UBE2V2: variants seen among roughly 807,000 people sequenced by gnomAD.
UBE2V2 encodes the protein ubiquitin-conjugating enzyme E2 variant 2.
In UBE2V2, 9 loss-of-function variants were observed where a neutral mutation model predicts 17.2. That is an observed-to-expected ratio of 0.52 (90% CI 0.32 to 0.91). The LOEUF (loss-of-function observed/expected upper bound fraction) is 0.91, where lower values mean the gene tolerates loss of function less well. Ranked by LOEUF, UBE2V2 falls within the 40% of genes least tolerant of loss-of-function variation. UBE2V2 has a pLI of 0.04. For synonymous variants in UBE2V2, 61 were observed against 57.5 expected (o/e 1.06, Z -0.28); for missense variants, 133 against 182.6 (o/e 0.73, Z 1.56).
At chr8:48,015,543 A>G (rs2091262639) in intron 1 of UBE2V2, among the ~76,000 whole-genome samples, 1 of 152,168 alleles carries the variant, frequency 6.6e-6, no homozygotes, top group Non-Finnish European at 1.5e-5. Flanking sequence ...AGAATACAGT[A>G]TGTTGTTAAC....
In UBE2V2 at chr8:48,043,418, G is replaced by A. The variant is rs542674289; in HGVS notation, c.165+237G>A. ...ATCAAAGTTTTGCAGTTTAGTAAGG[G>A]AGAAAAAATCAGTACAAATGACAGA... On this transcript the variant is annotated intron_variant, in intron 2 of 3. Coordinates refer to ENST00000523111, the MANE Select transcript of UBE2V2 (RefSeq NM_003350.3). 17 of 308,698 alleles carry A rather than the reference G, an allele frequency of 5.5e-5. No individual in the cohort carries two copies. The East Asian group carries it at 9.0e-4, about 16-fold the overall frequency. The allele number at this position is 308,698 out of a possible 1,614,324, so 19.1% of individuals were successfully genotyped here.
chr8:48,037,534 G>A (rs1422970451), intron 1 of UBE2V2, among the ~76,000 whole-genome samples: 1 of 152,198 alleles, frequency 6.6e-6, no homozygotes, highest in Non-Finnish European at 1.5e-5. Context: ...ATCTGGTTAG[G>A]TTCTTAGTAG....
upstream of UBE2V2, among the ~76,000 whole-genome samples, chr8:48,007,279 GAAAT>G (rs1471875475): frequency 6.6e-6 from 1 of 152,094 alleles, no homozygotes; most frequent in Non-Finnish European, 1.5e-5. Context: ...GCAAGAGAAA[GAAAT>G]AAAGGGTATT....
chr8:48,050,339 A>C (rs2154507946), intron 3 of UBE2V2: 1 of 153,078 alleles, frequency 6.5e-6, no homozygotes, highest in Non-Finnish European at 1.5e-5. Context: ...GCTTCAAGTG[A>C]TTCTCCTGCC....
At chr8:48,002,823 A>G in the UBE2V2 span, among the ~76,000 whole-genome samples, 2 of 152,218 alleles carry the variant, frequency 1.3e-5, no homozygotes, top group Non-Finnish European at 2.9e-5. Context: ...TGTCCTTACC[A>G]GAATATGATA....
intron 3 of UBE2V2, among the ~76,000 whole-genome samples, chr8:48,051,686 A>G (rs991016628): frequency 1.3e-5 from 2 of 152,154 alleles, no homozygotes; most frequent in African/African-American, 4.8e-5. Flanking sequence ...TTCTGGCAAC[A>G]AGTTGAATCT....
the UBE2V2 span, among the ~76,000 whole-genome samples, chr8:48,002,471 T>C: frequency 6.6e-6 from 1 of 152,148 alleles, no homozygotes; most frequent in Admixed American, 6.5e-5. Context: ...ACTTGTGGAA[T>C]ATAAAATAAT....
rs974307124 is a variant in UBE2V2, at chr8:48,064,061, CTG to C, written c.*3235_*3236del. On this transcript the variant is annotated 3_prime_UTR_variant, in exon 4 of 4. Coordinates refer to ENST00000523111, the MANE Select transcript of UBE2V2 (RefSeq NM_003350.3). ...AGGGAACTGTAGCCTGCCATCAAAA[CTG>C]TATCAACTCTTTTAATGAGCATGTG... 1.5e-4 allele frequency: 23 copies of C among 152,162 alleles called. No homozygotes were observed. Among genetic ancestry groups the C allele is most frequent in the Non-Finnish European group, 1.2e-4 (8 of 68,034 alleles). 9.4% of individuals were successfully genotyped at this position (152,162 alleles called of 1,614,324 possible). A position where few individuals can be genotyped will look rare whatever the true frequency, so the allele number is the denominator to read the frequency against.
intron 2 of UBE2V2, among the ~76,000 whole-genome samples, chr8:48,043,986 A>G (rs182178951): frequency 6.6e-6 from 1 of 150,550 alleles, no homozygotes; most frequent in East Asian, 2.0e-4. Flanking sequence ...CACTCCCTGC[A>G]GTGAATCTTT....
chr8:48,031,152 T>G (rs950913292), intron 1 of UBE2V2, among the ~76,000 whole-genome samples: 3 of 152,250 alleles, frequency 2.0e-5, no homozygotes, highest in Admixed American at 2.0e-4. Flanking sequence ...GAGGTTGCAG[T>G]GAGCTGAGAT....
Position 48,008,464 on chromosome 8 carries a change from T to A in UBE2V2, c.10T>A (p.Ser4Thr). The A allele has an allele frequency of 1.3e-6, 2 of 1,568,086 alleles. No homozygotes were observed. The highest frequency in any genetic ancestry group is 8.6e-7 in the Non-Finnish European group (1 of 1,159,246). The change falls in exon 1 of 4, where the codon TCC becomes ACC. Residue 4 changes from serine (S) to threonine (T), a missense_variant. Transcript: ENST00000523111. The part of the protein sequence containing the change: MAV[S>T]TGVKVPRNFR... ...CGGGCTGCAGGAGAAGATGGCGGTC[T>A]CCACAGGTCGGTTCCCGGGCCGGGC... is the stretch of plus-strand genomic sequence containing the variant.
intron 3 of UBE2V2, among the ~76,000 whole-genome samples, chr8:48,060,200 ACT>A (rs1563862079): frequency 7.9e-6 from 1 of 127,316 alleles, no homozygotes; most frequent in Non-Finnish European, 1.6e-5. Context: ...ACAGAGTGAG[ACT>A]CTGTCTCAAA....
intron 1 of UBE2V2, among the ~76,000 whole-genome samples, chr8:48,013,388 A>G (rs1430347910): frequency 6.6e-6 from 1 of 151,804 alleles, no homozygotes; most frequent in Non-Finnish European, 1.5e-5. Flanking sequence ...GCTCACTGCA[A>G]GCACTGCCTC....
At chr8:48,050,071 T>G in intron 3 of UBE2V2, 93 bp downstream of exon 3, 6 of 925,396 alleles carry the variant, frequency 6.5e-6, no homozygotes, top group African/African-American at 1.7e-5. Context: ...AAGATATTAA[T>G]ATGTAGTTAG....
In UBE2V2 at chr8:48,061,032, T is replaced by C. The variant is rs1563862339; in HGVS notation, c.*204T>C. On this transcript the variant is annotated 3_prime_UTR_variant, in exon 4 of 4. Coordinates refer to ENST00000523111, the MANE Select transcript of UBE2V2 (RefSeq NM_003350.3). ...GAGGAAAAATGCAGCACAATTTTTT[T>C]TCTCTTGAAAGGCACTGTCATTTAA... is the stretch of plus-strand genomic sequence containing the variant. 2.5e-6 allele frequency: 1 copy of C among 406,078 alleles called. No homozygotes were observed. The highest frequency in any genetic ancestry group is 4.0e-6 in the Non-Finnish European group (1 of 249,088). The allele number at this position is 406,078 out of a possible 1,614,324, so 25.2% of individuals were successfully genotyped here.
At chr8:48,053,606 A>T (rs1006288220) in intron 3 of UBE2V2, among the ~76,000 whole-genome samples, 4 of 151,426 alleles carry the variant, frequency 2.6e-5, no homozygotes. Flanking sequence ...TTGTATTTTT[A>T]ATAGAGACAG....
intron 1 of UBE2V2, among the ~76,000 whole-genome samples, chr8:48,025,089 C>G (rs1048932618): frequency 1.3e-5 from 2 of 151,918 alleles, no homozygotes; most frequent in African/African-American, 4.8e-5. Flanking sequence ...CGTGTGCCAC[C>G]ACGCCCGGCT....
chr8:48,010,259 TG>T (rs1313945424), intron 1 of UBE2V2, among the ~76,000 whole-genome samples: 40 of 150,700 alleles, frequency 2.7e-4, no homozygotes, highest in African/African-American at 8.5e-4. Context: ...TTTTTTGAGA[TG>T]GAGTCTCGCT....
the UBE2V2 span, among the ~76,000 whole-genome samples, chr8:47,999,117 A>G: frequency 6.6e-6 from 1 of 152,192 alleles, no homozygotes; most frequent in Non-Finnish European, 1.5e-5. Flanking sequence ...TGGCTTCACC[A>G]TGGCCCTTGA....
Sources: allele counts gnomAD v4.1 joint callset (sites outside exome capture counted in the v4.1 genomes callset), GRCh38; gene constraint gnomAD v4.1.1; transcripts MANE v1.5; gene names NCBI Gene and HGNC (gene_info 2026-07-23, HGNC 2026-07-21).